Variants in ROBO1 observed in about 807,000 individuals in gnomAD.
The protein encoded by ROBO1 is roundabout guidance receptor 1, also known as roundabout homolog 1.
In ROBO1, 149 loss-of-function variants were observed where a neutral mutation model predicts 195.9. The observed-to-expected ratio is 0.76, with a 90% confidence interval of 0.67 to 0.87. The LOEUF (loss-of-function observed/expected upper bound fraction) is 0.87, where lower values mean the gene tolerates loss of function less well. ROBO1 is among the 40% of genes least tolerant of loss of function. The pLI is 0.00. For missense variants in ROBO1, 1,933 were observed against 2,068.3 expected (o/e 0.93, Z 1.27); for synonymous variants, 816 against 733.2 (o/e 1.11, Z -1.82).
chr3:79,401,506 T>C (rs1432868365), intron 2 of ROBO1, among the ~76,000 whole-genome samples: 2 of 151,918 alleles, frequency 1.3e-5, no homozygotes, highest in Non-Finnish European at 2.9e-5. Flanking sequence ...GAATGGCTAA[T>C]GTCACATACA....
intron 4 of ROBO1, among the ~76,000 whole-genome samples, chr3:78,903,461 T>A (rs551898574): frequency 1.3e-4 from 20 of 148,218 alleles, no homozygotes; most frequent in African/African-American, 5.1e-4. Flanking sequence ...CACCCATACT[T>A]GTTTTAATCT....
intron 3 of ROBO1, among the ~76,000 whole-genome samples, chr3:78,978,674 T>C (rs2076932073): frequency 6.6e-6 from 1 of 152,184 alleles, no homozygotes; most frequent in South Asian, 2.1e-4. Context: ...CAGAGCCTTG[T>C]ACTTTTTCCA....
intron 3 of ROBO1, among the ~76,000 whole-genome samples, chr3:79,085,591 A>AGAG (rs1211456801): frequency 6.6e-6 from 1 of 152,178 alleles, no homozygotes; most frequent in Non-Finnish European, 1.5e-5. Context: ...GCTGTACATA[A>AGAG]GAGAGTGATG....
chr3:79,011,109 A>G (rs2077766067), intron 3 of ROBO1, among the ~76,000 whole-genome samples: 1 of 152,198 alleles, frequency 6.6e-6, no homozygotes, highest in Admixed American at 6.5e-5. Flanking sequence ...CCAAGCAACT[A>G]AAGAAGTTGA....
intron 1 of ROBO1, among the ~76,000 whole-genome samples, chr3:79,648,386 A>G (rs943715862): frequency 2.6e-5 from 4 of 152,088 alleles, no homozygotes; most frequent in African/African-American, 7.2e-5. Context: ...CTGGAGAAAG[A>G]TATCTCCAAC....
chr3:79,221,341 T>C (rs1288497244), intron 2 of ROBO1, among the ~76,000 whole-genome samples: 1 of 152,058 alleles, frequency 6.6e-6, no homozygotes, highest in East Asian at 1.9e-4. Context: ...TTGAAGAAAA[T>C]ACACTTTTAC....
intron 29 of ROBO1, among the ~76,000 whole-genome samples, chr3:78,604,195 C>A (rs779133023): frequency 6.6e-6 from 1 of 152,048 alleles, no homozygotes; most frequent in African/African-American, 2.4e-5. Flanking sequence ...CTCAGCCTCC[C>A]GAGTAGCTGG....
chr3:79,557,503 G>T (rs188134747), intron 2 of ROBO1, among the ~76,000 whole-genome samples: 3 of 151,798 alleles, frequency 2.0e-5, no homozygotes, highest in Non-Finnish European at 4.4e-5. Context: ...AGAGGCTGAG[G>T]GGGGTGGATC....
At chr3:79,566,524 T>C (rs1943094075) in intron 2 of ROBO1, among the ~76,000 whole-genome samples, 1 of 152,092 alleles carries the variant, frequency 6.6e-6, no homozygotes, top group Non-Finnish European at 1.5e-5. Context: ...CTTAAAAAAG[T>C]CTTTTAAATA....
intron 3 of ROBO1, among the ~76,000 whole-genome samples, chr3:79,074,729 A>G (rs556274015): frequency 6.6e-6 from 1 of 151,804 alleles, no homozygotes; most frequent in African/African-American, 2.4e-5. Context: ...GCACCTGGGA[A>G]CATATGCTTT....
chr3:79,395,804 C>T (rs1204761702), intron 2 of ROBO1, among the ~76,000 whole-genome samples: 5 of 151,918 alleles, frequency 3.3e-5, no homozygotes, highest in East Asian at 1.9e-4. Flanking sequence ...CTTAGTGTTA[C>T]GTTCTAATTT....
chr3:79,671,734 G>A (rs1946637640), intron 1 of ROBO1, among the ~76,000 whole-genome samples: 1 of 151,724 alleles, frequency 6.6e-6, no homozygotes, highest in South Asian at 2.1e-4. Flanking sequence ...TGTATTGTCG[G>A]TATTTAAAAT....
chr3:79,590,508 A>G (rs374198584), intron 1 of ROBO1, among the ~76,000 whole-genome samples: 74 of 151,938 alleles, frequency 4.9e-4, no homozygotes, highest in African/African-American at 1.7e-3. Context: ...GCAGAGAAAC[A>G]TAAGCTAGTG....
intron 2 of ROBO1, among the ~76,000 whole-genome samples, chr3:79,509,505 T>G (rs1313793420): frequency 6.6e-6 from 1 of 152,132 alleles, no homozygotes; most frequent in Non-Finnish European, 1.5e-5. Context: ...CATTCTATAA[T>G]TCTAGGAACA....
intron 2 of ROBO1, among the ~76,000 whole-genome samples, chr3:79,344,369 T>G (rs2035026333): frequency 6.6e-6 from 1 of 152,116 alleles, no homozygotes; most frequent in Non-Finnish European, 1.5e-5. Flanking sequence ...AACAGTCCTA[T>G]CGTGCAAAAG....
intron 3 of ROBO1, among the ~76,000 whole-genome samples, chr3:79,091,076 C>A (rs922103734): frequency 6.6e-6 from 1 of 152,044 alleles, no homozygotes. Flanking sequence ...CTTCAGATTT[C>A]GAGTACAGTA....
In ROBO1 at chr3:78,610,225, G is replaced by T. The variant is rs957321866; in HGVS notation, c.4436-3184C>A. Among the ~76,000 whole-genome samples the T allele has an allele frequency of 9.4e-4, 143 of 152,232 alleles. 1 individual carries two copies. The highest frequency in any genetic ancestry group is 3.3e-3 in the African/African-American group (139 of 41,532). On this transcript the variant is annotated intron_variant, in intron 28 of 30. Transcript: ENST00000464233. ...GATAGATCGACAGTGTCACAAGTGTGTTTTTCCTCCTTTGTCTACTACTTT... is the reference window on the plus strand; with the variant it reads ...GATAGATCGACAGTGTCACAAGTGTTTTTTTCCTCCTTTGTCTACTACTTT...
intron 2 of ROBO1, among the ~76,000 whole-genome samples, chr3:79,239,032 C>A (rs549284389): frequency 1.3e-5 from 2 of 152,286 alleles, no homozygotes; most frequent in African/African-American, 4.8e-5. Flanking sequence ...CACAAAAGTC[C>A]TTTGGGATCG....
chr3:78,847,660 T>G (rs1337247544), intron 4 of ROBO1, among the ~76,000 whole-genome samples: 2 of 152,138 alleles, frequency 1.3e-5, no homozygotes, highest in East Asian at 1.9e-4. Flanking sequence ...AACAACTCAG[T>G]TAGGTAGGTG....
Sources: gnomAD v4.1 joint callset for allele counts (sites outside exome capture counted in the v4.1 genomes callset) on GRCh38, gnomAD v4.1.1 for gene constraint, MANE v1.5 for transcripts, NCBI Gene and HGNC (gene_info 2026-07-23, HGNC 2026-07-21) for gene names.